The following BMPR1B variants were observed in gnomAD, a reference collection of about 807,000 sequenced individuals.
BMPR1B encodes the protein bone morphogenetic protein receptor type-1B.
BMPR1B carries 12 observed loss-of-function variants against 59.1 expected under a neutral mutation model. The observed-to-expected ratio is 0.20, with a 90% CI of 0.13 to 0.33. BMPR1B has a LOEUF of 0.33. Among genes scored for constraint, BMPR1B ranks in the 10% least tolerant of loss-of-function variants. BMPR1B has a pLI of 1.00. For missense variants in BMPR1B, 550 were observed against 610.9 expected (o/e 0.90, Z 1.05); for synonymous variants, 237 against 207.3 (o/e 1.14, Z -1.23).
chr4:95,096,081 A>G (rs1427957252), intron 3 of BMPR1B, among the ~76,000 whole-genome samples: 3 of 150,330 alleles, frequency 2.0e-5, no homozygotes, highest in Admixed American at 1.3e-4. Context: ...GTATATGAGT[A>G]TATAATAATA....
At chr4:94,845,253 G>T (rs1045565062) in intron 1 of BMPR1B, among the ~76,000 whole-genome samples, 4 of 151,934 alleles carry the variant, frequency 2.6e-5, no homozygotes, top group Admixed American at 6.6e-5. Flanking sequence ...AAAAATTTCG[G>T]TTCAATATCA....
At position 95,055,358 on chromosome 4, in the gene BMPR1B, A is replaced by G. The variant is rs558231350; in HGVS notation, c.-17-49050A>G. On this transcript the variant is annotated intron_variant, in intron 3 of 12. Transcript: ENST00000515059. ...ATAACAAACATGGCTGTGAATAGGT[A>G]GTTTCACAATTAGAATGATAATATT... is the stretch of plus-strand genomic sequence containing the variant. 1.8e-3 allele frequency among the ~76,000 whole-genome samples: 272 copies of G among 152,276 alleles called. 1 individual carries two copies. The highest frequency in any genetic ancestry group is 6.4e-3 in the African/African-American group (265 of 41,568).
At chr4:95,004,959 T>C (rs1368712550) in intron 3 of BMPR1B, among the ~76,000 whole-genome samples, 1 of 152,242 alleles carries the variant, frequency 6.6e-6, no homozygotes, top group East Asian at 1.9e-4. Flanking sequence ...TCACATGTAA[T>C]TATTTTAAAT....
At chr4:94,836,393 A>G (rs1295391332) in intron 1 of BMPR1B, among the ~76,000 whole-genome samples, 2 of 130,574 alleles carry the variant, frequency 1.5e-5, no homozygotes, top group African/African-American at 6.4e-5. Context: ...AAAGTGTTCT[A>G]TTTCTCCACA....
chr4:94,983,667 T>A (rs1369608347), intron 2 of BMPR1B, among the ~76,000 whole-genome samples: 4 of 152,234 alleles, frequency 2.6e-5, no homozygotes, highest in Non-Finnish European at 4.4e-5. Flanking sequence ...CTTACCACAG[T>A]GTCCCATATT....
At chr4:94,956,731 A>G (rs940507013) in intron 2 of BMPR1B, among the ~76,000 whole-genome samples, 2 of 152,168 alleles carry the variant, frequency 1.3e-5, no homozygotes, top group African/African-American at 4.8e-5. Context: ...GGCAAATCCC[A>G]TCAGTAGTAT....
At chr4:94,969,205 T>A (rs937189797) in intron 2 of BMPR1B, among the ~76,000 whole-genome samples, 2 of 152,076 alleles carry the variant, frequency 1.3e-5, no homozygotes, top group African/African-American at 4.8e-5. Context: ...TGGCTAATTT[T>A]TTTGTATTTT....
chr4:94,860,289 A>G (rs1560519463), intron 1 of BMPR1B, among the ~76,000 whole-genome samples: 1 of 152,216 alleles, frequency 6.6e-6, no homozygotes, highest in Admixed American at 6.5e-5. Context: ...TTGAAGAGCA[A>G]AAACCGAGTA....
chr4:95,115,935 C>A, intron 6 of BMPR1B, 148 bp downstream of exon 6: 1 of 728,738 alleles, frequency 1.4e-6, no homozygotes, highest in Non-Finnish European at 2.4e-6. Flanking sequence ...AACCATCATT[C>A]GAAGACATGT....
At chr4:94,979,870 T>C in intron 2 of BMPR1B, among the ~76,000 whole-genome samples, 1 of 152,230 alleles carries the variant, frequency 6.6e-6, no homozygotes, top group East Asian at 1.9e-4. Flanking sequence ...GGATGTTTAG[T>C]CTGCATAGGC....
At chr4:95,135,781 C>G (rs6532533) in intron 10 of BMPR1B, among the ~76,000 whole-genome samples, 15,799 of 152,170 alleles carry the variant, frequency 0.1, 2,020 homozygotes, top group African/African-American at 0.3. Context: ...ATGGGGTTTT[C>G]TAGATATACA....
chr4:94,773,652 T>G (rs1324833329), intron 1 of BMPR1B, among the ~76,000 whole-genome samples: 1 of 152,094 alleles, frequency 6.6e-6, no homozygotes, highest in African/African-American at 2.4e-5. Context: ...TTGACTGTAT[T>G]AGATTATAAT....
At chr4:95,022,258 AACTCCCC>A (rs1407631632) in intron 3 of BMPR1B, among the ~76,000 whole-genome samples, 4 of 152,198 alleles carry the variant, frequency 2.6e-5, no homozygotes, top group African/African-American at 7.2e-5. Context: ...AAAATATGAA[AACTCCCC>A]ATTTAGAAAT....
chr4:94,866,650 T>A (rs1726257511), intron 1 of BMPR1B, among the ~76,000 whole-genome samples: 1 of 152,194 alleles, frequency 6.6e-6, no homozygotes, highest in South Asian at 2.1e-4. Flanking sequence ...AGTGGCATGA[T>A]CTCGGCTTAC....
intron 2 of BMPR1B, among the ~76,000 whole-genome samples, chr4:94,976,062 C>T (rs567791394): frequency 1.3e-5 from 2 of 152,312 alleles, no homozygotes; most frequent in African/African-American, 2.4e-5. Context: ...AGTCAGGCAG[C>T]GACTAGAGTT....
intron 3 of BMPR1B, among the ~76,000 whole-genome samples, chr4:95,013,799 T>C (rs1347953944): frequency 1.3e-5 from 2 of 152,234 alleles, no homozygotes; most frequent in South Asian, 4.1e-4. Context: ...GTTTGCTTTA[T>C]GTATATATGT....
At chr4:95,098,104 C>T (rs1486772276) in intron 3 of BMPR1B, among the ~76,000 whole-genome samples, 2 of 151,970 alleles carry the variant, frequency 1.3e-5, no homozygotes, top group Non-Finnish European at 2.9e-5. Flanking sequence ...TGAGAAAGTA[C>T]ATTCTTATAT....
intron 1 of BMPR1B, among the ~76,000 whole-genome samples, chr4:94,812,735 C>T (rs952830630): frequency 2.0e-5 from 3 of 152,088 alleles, no homozygotes; most frequent in Admixed American, 6.6e-5. Context: ...AGAGAGTTCA[C>T]AGGTGGAATT....
At chr4:94,764,470 T>C (rs1721893524) in intron 1 of BMPR1B, among the ~76,000 whole-genome samples, 1 of 152,184 alleles carries the variant, frequency 6.6e-6, no homozygotes, top group African/African-American at 2.4e-5. Context: ...TGCAATACCC[T>C]TGGGGTTCTT....
Sources: gnomAD v4.1 joint callset for allele counts (sites outside exome capture counted in the v4.1 genomes callset) on GRCh38, gnomAD v4.1.1 for gene constraint, MANE v1.5 for transcripts, NCBI Gene and HGNC (gene_info 2026-07-23, HGNC 2026-07-21) for gene names.